The following PALM2AKAP2 variants were observed in gnomAD, a reference collection of about 807,000 sequenced individuals.
PALM2AKAP2 encodes the protein PALM2-AKAP2 fusion protein.
Under a neutral mutation model 71.5 loss-of-function variants are expected in PALM2AKAP2, and 37 were observed. The observed-to-expected ratio is 0.52, with a 90% CI of 0.40 to 0.68. The LOEUF is 0.68. Ranked by LOEUF, PALM2AKAP2 falls within the 30% of genes least tolerant of loss-of-function variation. The pLI is 0.00. For synonymous variants in PALM2AKAP2, 468 were observed against 478.8 expected, an observed-to-expected ratio of 0.98 and a Z score of 0.29; for missense variants, 1,224 against 1,191.8, an observed-to-expected ratio of 1.03 and a Z score of -0.40.
At chr9:110,155,150 C>G (rs967434380) in intron 2 of PALM2AKAP2, among the ~76,000 whole-genome samples, 4 of 152,188 alleles carry the variant, frequency 2.6e-5, no homozygotes, top group African/African-American at 9.6e-5. Flanking sequence ...ACTTGTGATT[C>G]CTGCTACATC....
At chr9:110,052,518 A>C (rs535455235) in intron 1 of PALM2AKAP2, among the ~76,000 whole-genome samples, 15 of 152,344 alleles carry the variant, frequency 9.8e-5, no homozygotes, top group African/African-American at 3.4e-4. Flanking sequence ...AACCATCTCT[A>C]TTCTAAAAGG....
chr9:109,957,733 T>C (rs1168485364), intron 6 of PALM2AKAP2, among the ~76,000 whole-genome samples: 1 of 152,134 alleles, frequency 6.6e-6, no homozygotes, highest in Non-Finnish European at 1.5e-5. Context: ...CTGGGACATT[T>C]TCTCCAAAAT....
intron 3 of PALM2AKAP2, among the ~76,000 whole-genome samples, chr9:109,913,591 A>G (rs1830619757): frequency 6.6e-6 from 1 of 151,882 alleles, no homozygotes; most frequent in South Asian, 2.1e-4. Context: ...CATGGATAAG[A>G]CTCTAAGCTC....
intron 6 of PALM2AKAP2, among the ~76,000 whole-genome samples, chr9:110,008,354 G>GTA (rs1832820603): frequency 6.6e-6 from 1 of 151,938 alleles, no homozygotes; most frequent in Non-Finnish European, 1.5e-5. Flanking sequence ...CCCAAAAGAA[G>GTA]TATAAAGTAT....
At chr9:110,035,564 T>C (rs1165949459) in intron 7 of PALM2AKAP2, among the ~76,000 whole-genome samples, 1 of 144,774 alleles carries the variant, frequency 6.9e-6, no homozygotes, top group African/African-American at 2.5e-5. Context: ...ATAACATATA[T>C]AGGATATGTT....
chr9:109,646,567 T>A (rs575160354), intron 1 of PALM2AKAP2, among the ~76,000 whole-genome samples: 63 of 152,306 alleles, frequency 4.1e-4, no homozygotes, highest in African/African-American at 1.4e-3. Flanking sequence ...AATGAATAAA[T>A]CTAGGTTCAT....
At chr9:109,648,568 A>G (rs114045141) in intron 1 of PALM2AKAP2, among the ~76,000 whole-genome samples, 412 of 152,266 alleles carry the variant, frequency 2.7e-3, no homozygotes, top group African/African-American at 9.6e-3. Flanking sequence ...GAGTGATGGG[A>G]GGGTTATTTT....
intron 1 of PALM2AKAP2, among the ~76,000 whole-genome samples, chr9:110,075,470 A>G (rs104275): frequency 0.5 from 76,652 of 152,028 alleles, 19,532 homozygotes; most frequent in Admixed American, 0.58. Flanking sequence ...AAAAAACTAT[A>G]AAAAGAAGAA....
chr9:109,770,336 C>G (rs1384562867), intron 1 of PALM2AKAP2, among the ~76,000 whole-genome samples: 1 of 152,034 alleles, frequency 6.6e-6, no homozygotes, highest in Non-Finnish European at 1.5e-5. Flanking sequence ...ATTCCTGATA[C>G]CCCAGAAACT....
intron 1 of PALM2AKAP2, among the ~76,000 whole-genome samples, chr9:109,697,735 G>T (rs1827993530): frequency 6.6e-6 from 1 of 152,102 alleles, no homozygotes; most frequent in African/African-American, 2.4e-5. Flanking sequence ...TATATCTTAA[G>T]AATTATCTCT....
chr9:109,931,638 C>G (rs1467738807), intron 5 of PALM2AKAP2, among the ~76,000 whole-genome samples: 1 of 152,200 alleles, frequency 6.6e-6, no homozygotes, highest in African/African-American at 2.4e-5. Flanking sequence ...GAATCTTCCC[C>G]CCGTCCCTGA....
chr9:110,011,543 C>T (rs543549804), intron 6 of PALM2AKAP2, among the ~76,000 whole-genome samples: 30 of 152,194 alleles, frequency 2.0e-4, no homozygotes, highest in Non-Finnish European at 4.4e-4. Context: ...CTCCTACCCA[C>T]TGGTCCAATG....
intron 1 of PALM2AKAP2, among the ~76,000 whole-genome samples, chr9:109,692,910 C>T (rs903711764): frequency 6.6e-6 from 1 of 151,806 alleles, no homozygotes. Flanking sequence ...CTTCCCCCCA[C>T]CTCCATCTCT....
At chr9:109,868,208 A>G (rs1829509055) in intron 2 of PALM2AKAP2, among the ~76,000 whole-genome samples, 1 of 152,210 alleles carries the variant, frequency 6.6e-6, no homozygotes, top group African/African-American at 2.4e-5. Flanking sequence ...GAGACAGCAC[A>G]CAAGAGCTGT....
At chr9:110,048,675 G>C (rs1434746995), upstream of PALM2AKAP2, 1 of 1,508,920 alleles carries the variant, frequency 6.6e-7, no homozygotes, top group East Asian at 2.6e-5. Context: ...CCTCCAGCGC[G>C]CCCGGAGGCT....
chr9:109,769,587 A>T (rs1829223514), intron 1 of PALM2AKAP2, among the ~76,000 whole-genome samples: 1 of 152,166 alleles, frequency 6.6e-6, no homozygotes, highest in Non-Finnish European at 1.5e-5. Context: ...CTGGAAGTAA[A>T]ATGACTTCAC....
At chr9:109,640,791 C>A (rs1378529280) in exon 1 of PALM2AKAP2, 6 of 1,492,114 alleles carry the variant, frequency 4.0e-6, no homozygotes, top group Non-Finnish European at 5.3e-6. Flanking sequence ...GCGGCCAGTG[C>A]ACTCGGCTCC....
At chr9:109,755,764 T>C (rs1420729059) in intron 1 of PALM2AKAP2, among the ~76,000 whole-genome samples, 4 of 152,082 alleles carry the variant, frequency 2.6e-5, no homozygotes, top group Non-Finnish European at 5.9e-5. Flanking sequence ...CTATGTAACA[T>C]TAAATATTTA....
intron 1 of PALM2AKAP2, among the ~76,000 whole-genome samples, chr9:109,801,597 G>C (rs968794757): frequency 6.6e-6 from 1 of 152,212 alleles, no homozygotes; most frequent in African/African-American, 2.4e-5. Context: ...ATGGACCTTA[G>C]CCACAGGCCA....
Sources: allele counts gnomAD v4.1 joint callset (sites outside exome capture counted in the v4.1 genomes callset), GRCh38; gene constraint gnomAD v4.1.1; transcripts MANE v1.5; gene names NCBI Gene and HGNC (gene_info 2026-07-23, HGNC 2026-07-21).